Variants in G6PC1 observed in about 807,000 individuals in gnomAD.
G6PC1 encodes glucose-6-phosphatase catalytic subunit 1.
A neutral mutation model predicts 30.4 loss-of-function variants in G6PC1; 23 were observed. The observed-to-expected ratio is 0.76, with a 90% CI of 0.55 to 1.07. G6PC1 has a LOEUF of 1.07. Ranked by LOEUF, G6PC1 falls within the 50% of genes least tolerant of loss-of-function variation. The pLI is 0.00. For missense variants in G6PC1, 391 were observed against 433.9 expected (o/e 0.90, Z 0.88); for synonymous variants, 163 against 175.6 (o/e 0.93, Z 0.57).
chr17:42,900,842 T>C lies in G6PC1; in HGVS notation c.-35T>C. On this transcript the variant is annotated 5_prime_UTR_variant, in exon 1 of 5. Transcript: ENST00000253801. The stretch of plus-strand genomic sequence containing the variant: ...AAGCCTGGAATAACTGCAAGGGCTC[T>C]GCTGACATCTTCCTGAGGTGCCAAG... 1 of 1,566,304 alleles carries C rather than the reference T, an allele frequency of 6.4e-7. No individual in the cohort carries two copies. The highest frequency in any genetic ancestry group is 8.8e-7 in the Non-Finnish European group (1 of 1,137,286).
In G6PC1 at chr17:42,911,436, A is replaced by G. The variant is rs1369980935; in HGVS notation, c.*10A>G. 6.2e-7 allele frequency: 1 copy of G among 1,614,110 alleles called. No individual in the cohort carries two copies. The highest frequency in any genetic ancestry group is 1.1e-5 in the South Asian group (1 of 91,078). On this transcript the variant is annotated 3_prime_UTR_variant, in exon 5 of 5. Transcript: ENST00000253801. ...CAAGAAGTCGTTGTAAGAGATGTGG[A>G]GTCTTCGGTGTTTAAAGTCAACAAC... is the stretch of plus-strand genomic sequence containing the variant.
chr17:42,903,428 A>G (rs531717015), intron 1 of G6PC1, among the ~76,000 whole-genome samples: 393 of 151,866 alleles, frequency 2.6e-3, no homozygotes, highest in Non-Finnish European at 4.7e-3. Flanking sequence ...TAAATAGATC[A>G]TACAGTCAGG....
At chr17:42,907,710 C>A in intron 3 of G6PC1, 82 bp downstream of exon 3, 1 of 957,984 alleles carries the variant, frequency 1.0e-6, no homozygotes, top group Non-Finnish European at 1.7e-6. Context: ...TATTCTTCCT[C>A]ACATCCCCCT....
chr17:42,902,469 T>A (rs1400115338), intron 1 of G6PC1, among the ~76,000 whole-genome samples: 1 of 152,188 alleles, frequency 6.6e-6, no homozygotes, highest in Admixed American at 6.6e-5. Context: ...TAGGCTGGTC[T>A]CGAACTCCTG....
Position 42,911,139 on chromosome 17 carries a change from A to G in G6PC1, c.787A>G (p.Lys263Glu). Residue 263 changes from lysine to glutamate, a missense_variant, in exon 5 of 5, where the codon AAG (lysine) becomes GAG (glutamate). Physicochemically the swap from Lys to Glu is moderately conservative, Grantham distance 56 (BLOSUM62 1). Coordinates refer to ENST00000253801, the MANE Select transcript of G6PC1 (RefSeq NM_000151.4). ...CACCACACCCTTTGCCAGCCTCCTC[A>G]AGAACCTGGGCACGCTCTTTGGCCT... Reference protein sequence around the residue: ...IDTTPFASLLKNLGTLFGLGL... With the variant: ...IDTTPFASLLENLGTLFGLGL... 6.2e-7 allele frequency: 1 copy of G among 1,614,048 alleles called. No homozygotes were observed. The highest frequency in any genetic ancestry group is 8.5e-7 in the Non-Finnish European group (1 of 1,179,970).
In G6PC1 at chr17:42,911,420, G is replaced by A. The variant is rs776022311; in HGVS notation, c.1068G>A (p.Ser356=). 7.2e-5 allele frequency: 117 copies of A among 1,613,950 alleles called. 1 individual carries two copies. The highest frequency in any genetic ancestry group is 6.9e-4 in the South Asian group (63 of 91,084). The change falls in exon 5 of 5, where the codon TCG becomes TCA. Residue 356 remains serine (S), a synonymous_variant. Transcript: ENST00000253801. The part of the protein sequence containing the change: ...AQVLGQPHKK[S]L ...TCCTGGGCCAGCCGCACAAGAAGTC[G>A]TTGTAAGAGATGTGGAGTCTTCGGT...
chr17:42,910,957 A>C lies in G6PC1; in HGVS notation c.605A>C (p.Tyr202Ser). The change falls in exon 5 of 5, where the codon TAT becomes TCT. Residue 202 changes from tyrosine to serine, a missense_variant. Transcript: ENST00000253801. ...ACTTTCAGCCACATCCACAGCATCTATAATGCCAGCCTCAAGAAATATTTT... is the reference window on the plus strand; with the variant it reads ...ACTTTCAGCCACATCCACAGCATCTCTAATGCCAGCCTCAAGAAATATTTT... ...AETFSHIHSI[Y>S]NASLKKYFLI... 1.2e-6 allele frequency: 2 copies of C among 1,614,210 alleles called. No individual in the cohort carries two copies. The highest frequency in any genetic ancestry group is 1.7e-6 in the Non-Finnish European group (2 of 1,180,034).
intron 4 of G6PC1, among the ~76,000 whole-genome samples, chr17:42,909,858 GT>G (rs1029948433): frequency 2.0e-5 from 3 of 148,316 alleles, no homozygotes; most frequent in Admixed American, 6.8e-5. Context: ...TTTTGAATAT[GT>G]TTTTTTTTGT....
Position 42,900,995 on chromosome 17 carries a change from G to A in G6PC1, c.119G>A (p.Arg40Lys), listed in dbSNP as rs1373038535. Residue 40 changes from arginine to lysine, a missense_variant, in exon 1 of 5, where the codon AGG becomes AAG. By Grantham distance (26) the Arg-to-Lys change is conservative. Transcript: ENST00000253801. ...TTGGTGTCCGTGATCGCAGACCTCA[G>A]GAATGCCTTCTACGTCCTCTTCCCC... ...FILVSVIADL[R>K]NAFYVLFPIW... The A allele has an allele frequency of 6.2e-7, 1 of 1,614,186 alleles. No homozygotes were observed. The highest frequency in any genetic ancestry group is 8.5e-7 in the Non-Finnish European group (1 of 1,180,042).
Position 42,907,619 on chromosome 17 carries a change from A to C in G6PC1, c.437A>C (p.Tyr146Ser), listed in dbSNP as rs2056070121. The change falls in exon 3 of 5, where the codon TAC becomes TCC. Residue 146 changes from tyrosine (Y) to serine (S), a missense_variant. Tyr to Ser is a moderately radical substitution (Grantham distance 144). Coordinates refer to ENST00000253801, the MANE Select transcript of G6PC1 (RefSeq NM_000151.4). ...TTTCAGGGAAAGATAAAGCCGACCTACAGATTTCGGTAAGAACTCACCACT... is the reference window on the plus strand; with the variant it reads ...TTTCAGGGAAAGATAAAGCCGACCTCCAGATTTCGGTAAGAACTCACCACT... The part of the protein sequence containing the change: ...SIFQGKIKPT[Y>S]RFRCLNVILW... 1 of 1,612,898 alleles carries C rather than the reference A, an allele frequency of 6.2e-7. No individual in the cohort carries two copies. The highest frequency in any genetic ancestry group is 8.5e-7 in the Non-Finnish European group (1 of 1,179,082).
chr17:42,908,069 C>A (rs897619213), intron 3 of G6PC1, among the ~76,000 whole-genome samples: 2 of 152,176 alleles, frequency 1.3e-5, no homozygotes, highest in African/African-American at 4.8e-5. Context: ...CTCGCTCTGT[C>A]ATCCAGGCTG....
intron 1 of G6PC1, 110 bp from the exon 2 acceptor site, chr17:42,903,821 C>T: frequency 1.3e-6 from 1 of 780,036 alleles, no homozygotes; most frequent in South Asian, 1.4e-5. Context: ...GTTCTCCCTT[C>T]TAGAGGCAAC....
At chr17:42,907,209 G>A (rs928600024) in intron 2 of G6PC1, among the ~76,000 whole-genome samples, 20 of 152,216 alleles carry the variant, frequency 1.3e-4, no homozygotes, top group African/African-American at 4.1e-4. Context: ...CTGATTCTTT[G>A]TGTAATCTCC....
Position 42,911,000 on chromosome 17 carries a change from G to A in G6PC1, c.648G>A (p.Leu216=), listed in dbSNP as rs80356484. 2 of 1,614,166 alleles carry A rather than the reference G, an allele frequency of 1.2e-6. No homozygotes were observed. The highest frequency in any genetic ancestry group is 1.7e-6 in the Non-Finnish European group (2 of 1,180,024). Reference sequence around the variant, plus strand: ...AATATTTTCTCATTACCTTCTTCCTGTTCAGCTTCGCCATCGGATTTTATC... The same window carrying A: ...AATATTTTCTCATTACCTTCTTCCTATTCAGCTTCGCCATCGGATTTTATC... ...LKKYFLITFF[L]FSFAIGFYLL... The change falls in exon 5 of 5, where the codon CTG becomes CTA. Residue 216 remains leucine (L), a synonymous_variant. Transcript: ENST00000253801.
chr17:42,903,682 G>T (rs2056041112), intron 1 of G6PC1, among the ~76,000 whole-genome samples: 1 of 151,868 alleles, frequency 6.6e-6, no homozygotes, highest in African/African-American at 2.4e-5. Flanking sequence ...CTCCAGGCTG[G>T]GTTACTGAGC....
At chr17:42,903,492 T>C (rs1485446275) in intron 1 of G6PC1, among the ~76,000 whole-genome samples, 2 of 151,742 alleles carry the variant, frequency 1.3e-5, no homozygotes, top group East Asian at 3.9e-4. Flanking sequence ...GGTGGGAGGA[T>C]TGCCTGAGTT....
chr17:42,904,024 C>G lies in G6PC1; in HGVS notation c.324C>G (p.Thr108=), dbSNP rs1282008398. The G allele has an allele frequency of 1.2e-6, 2 of 1,613,114 alleles. No individual in the cohort carries two copies. The highest frequency in any genetic ancestry group is 1.7e-6 in the Non-Finnish European group (2 of 1,179,186). Residue 108 remains threonine, a synonymous_variant, in exon 2 of 5, where the codon ACC becomes ACG. Coordinates refer to ENST00000253801, the MANE Select transcript of G6PC1 (RefSeq NM_000151.4). ...SVPLIKQFPV[T]CETGPGSPSG... is the part of the protein sequence containing the mutation. ...CCCTGATAAAGCAGTTCCCTGTAAC[C>G]TGTGAGACTGGACCAGGTAAGCGTC...
intron 1 of G6PC1, among the ~76,000 whole-genome samples, chr17:42,903,550 C>T (rs1221562389): frequency 1.3e-5 from 2 of 151,622 alleles, no homozygotes; most frequent in South Asian, 4.2e-4. Context: ...CCCGTCTCTA[C>T]TAAAAATACA....
rs889171918 is a variant in G6PC1 at position 42,910,795 on chromosome 17, A to T, written c.563-120A>T. ...AAGCCAGGCGACCCTCCCATCTGCCATCTGTGATTTAATTCCACAGTCGCA... is the reference window on the plus strand; with the variant it reads ...AAGCCAGGCGACCCTCCCATCTGCCTTCTGTGATTTAATTCCACAGTCGCA... On this transcript the variant is annotated intron_variant, in intron 4 of 4. Transcript: ENST00000253801. 5.2e-6 allele frequency: 5 copies of T among 957,238 alleles called. No homozygotes were observed. In the Admixed American group the frequency reaches 5.3e-5, roughly 10 times the overall value. The allele number at this position is 957,238 out of a possible 1,614,324, so 59.3% of individuals were successfully genotyped here.
Sources: gnomAD v4.1 joint callset for allele counts (sites outside exome capture counted in the v4.1 genomes callset) on GRCh38, gnomAD v4.1.1 for gene constraint, MANE v1.5 for transcripts, NCBI Gene and HGNC (gene_info 2026-07-23, HGNC 2026-07-21) for gene names.